SPON1: variants seen among roughly 807,000 people sequenced by gnomAD.
SPON1 encodes spondin-1.
A neutral mutation model predicts 111.7 loss-of-function variants in SPON1; 52 were observed. The ratio of observed to expected loss-of-function variants is 0.47; its 90% confidence interval spans 0.37 to 0.59. The LOEUF (loss-of-function observed/expected upper bound fraction) is 0.59, where lower values mean the gene tolerates loss of function less well. SPON1 is among the 20% of genes least tolerant of loss of function. SPON1 has a pLI of 0.00. For synonymous variants in SPON1, 410 were observed against 395.8 expected (o/e 1.04, Z -0.43); for missense variants, 957 against 1,068.5 (o/e 0.90, Z 1.46).
chr11:13,983,482 C>G (rs1848159919), intron 2 of SPON1, among the ~76,000 whole-genome samples: 1 of 152,128 alleles, frequency 6.6e-6, no homozygotes, highest in Non-Finnish European at 1.5e-5. Flanking sequence ...AATGTCAGTC[C>G]TCACAGAACA....
At chr11:14,032,194 T>C (rs913987241) in intron 2 of SPON1, among the ~76,000 whole-genome samples, 5 of 152,220 alleles carry the variant, frequency 3.3e-5, no homozygotes, top group African/African-American at 1.2e-4. Flanking sequence ...CATACTTTAA[T>C]CCTGTCTTTT....
intron 6 of SPON1, among the ~76,000 whole-genome samples, chr11:14,189,700 A>G (rs1848324269): frequency 6.6e-6 from 1 of 152,206 alleles, no homozygotes; most frequent in African/African-American, 2.4e-5. Context: ...AAATTTGTTC[A>G]TCTACATAAA....
At chr11:14,054,846 G>A (rs1019491435) in intron 3 of SPON1, among the ~76,000 whole-genome samples, 38 of 152,112 alleles carry the variant, frequency 2.5e-4, no homozygotes, top group African/African-American at 4.3e-4. Flanking sequence ...ATGCTTCTGC[G>A]GCCAGGCAGC....
At chr11:14,208,559 T>G (rs534964849) in intron 6 of SPON1, among the ~76,000 whole-genome samples, 1 of 152,324 alleles carries the variant, frequency 6.6e-6, no homozygotes, top group South Asian at 2.1e-4. Context: ...TGAGAGTTCT[T>G]CATAGTTCAT....
intron 5 of SPON1, among the ~76,000 whole-genome samples, chr11:14,091,484 G>A (rs1253699274): frequency 6.6e-6 from 1 of 152,212 alleles, no homozygotes; most frequent in African/African-American, 2.4e-5. Context: ...CGGGAAGGCA[G>A]CTCAGGCTCG....
At chr11:13,990,373 C>CTTTTTTTT (rs1159719282) in intron 2 of SPON1, among the ~76,000 whole-genome samples, 7 of 21,708 alleles carry the variant, frequency 3.2e-4, no homozygotes, top group East Asian at 1.3e-3. Flanking sequence ...GCAACTCCTG[C>CTTTTTTTT]TTTTTTTTTT....
chr11:14,173,814 T>A (rs868944545), intron 6 of SPON1, among the ~76,000 whole-genome samples: 2 of 152,180 alleles, frequency 1.3e-5, no homozygotes, highest in Admixed American at 6.5e-5. Flanking sequence ...CGGATATTGG[T>A]GAACCGCAAA....
At chr11:14,079,692 T>TCA (rs536523197) in intron 4 of SPON1, among the ~76,000 whole-genome samples, 30 of 78,244 alleles carry the variant, frequency 3.8e-4, no homozygotes, top group African/African-American at 3.0e-3. Context: ...GAAAAAGCTC[T>TCA]CTTTTTTTTT....
At chr11:14,040,158 T>C (rs1240467327) in intron 2 of SPON1, among the ~76,000 whole-genome samples, 4 of 152,196 alleles carry the variant, frequency 2.6e-5, no homozygotes, top group African/African-American at 9.7e-5. Flanking sequence ...TTATCAATCT[T>C]GCTGAGAAAC....
chr11:13,972,174 A>G (rs1463821173), intron 1 of SPON1, among the ~76,000 whole-genome samples: 2 of 152,194 alleles, frequency 1.3e-5, no homozygotes, highest in Non-Finnish European at 2.9e-5. Flanking sequence ...GGGGCAGGAC[A>G]TGATAGAATG....
intron 6 of SPON1, among the ~76,000 whole-genome samples, chr11:14,145,548 A>G (rs1023394478): frequency 2.6e-5 from 4 of 152,174 alleles, no homozygotes; most frequent in African/African-American, 4.8e-5. Flanking sequence ...TCTTTTTTCT[A>G]TTGTAGTAAA....
At chr11:13,993,612 TTCTC>T (rs1209516693) in intron 2 of SPON1, among the ~76,000 whole-genome samples, 4 of 152,124 alleles carry the variant, frequency 2.6e-5, no homozygotes, top group African/African-American at 9.7e-5. Context: ...GCGAGGCTCT[TTCTC>T]TCTCTCCCCA....
At chr11:14,251,129 A>G (rs1554940632) in intron 7 of SPON1, among the ~76,000 whole-genome samples, 3 of 152,188 alleles carry the variant, frequency 2.0e-5, no homozygotes, top group African/African-American at 7.2e-5. Context: ...AGAGGTCAGG[A>G]AATACCTCCT....
intron 5 of SPON1, among the ~76,000 whole-genome samples, chr11:14,106,454 A>G (rs1849184925): frequency 1.3e-5 from 2 of 152,178 alleles, no homozygotes; most frequent in Admixed American, 1.3e-4. Flanking sequence ...TGAAAAATAT[A>G]CCCTCAAGAA....
chr11:14,229,466 T>C (rs1480399666), intron 6 of SPON1, among the ~76,000 whole-genome samples: 1 of 152,136 alleles, frequency 6.6e-6, no homozygotes, highest in Non-Finnish European at 1.5e-5. Flanking sequence ...CAGGCAGTAG[T>C]GAGAGGTCGC....
chr11:14,147,444 G>GTC (rs1554929445), intron 6 of SPON1, among the ~76,000 whole-genome samples: 3 of 151,990 alleles, frequency 2.0e-5, no homozygotes, highest in African/African-American at 7.2e-5. Context: ...TTGAGATGGA[G>GTC]TCTCACTCTA....
intron 2 of SPON1, among the ~76,000 whole-genome samples, chr11:14,017,269 G>T (rs1373255517): frequency 6.6e-6 from 1 of 152,082 alleles, no homozygotes; most frequent in Non-Finnish European, 1.5e-5. Flanking sequence ...AGCCATGGAG[G>T]TCACAAATAA....
At chr11:14,168,281 A>G (rs1289067336) in intron 6 of SPON1, among the ~76,000 whole-genome samples, 1 of 152,200 alleles carries the variant, frequency 6.6e-6, no homozygotes, top group Non-Finnish European at 1.5e-5. Context: ...CTACATTTTC[A>G]AGACATTTTA....
chr11:14,017,200 A>G (rs1179347626), intron 2 of SPON1, among the ~76,000 whole-genome samples: 2 of 152,204 alleles, frequency 1.3e-5, no homozygotes, highest in Non-Finnish European at 2.9e-5. Context: ...ACCAGGTATA[A>G]CTGGTTCAGG....
Sources: gnomAD v4.1 joint callset for allele counts (sites outside exome capture counted in the v4.1 genomes callset) on GRCh38, gnomAD v4.1.1 for gene constraint, MANE v1.5 for transcripts, NCBI Gene and HGNC (gene_info 2026-07-23, HGNC 2026-07-21) for gene names.